ESRRG: variants seen among roughly 807,000 people sequenced by gnomAD.
ESRRG encodes estrogen-related receptor gamma.
A neutral mutation model predicts 44.0 loss-of-function variants in ESRRG; 13 were observed. That is an observed-to-expected ratio of 0.30 (90% CI 0.19 to 0.47). The LOEUF (loss-of-function observed/expected upper bound fraction) is 0.47. Ranked by LOEUF, ESRRG falls within the 20% of genes least tolerant of loss-of-function variation. ESRRG has a pLI of 1.00. For synonymous variants in ESRRG, 215 were observed against 214.6 expected (o/e 1.00, Z -0.02); for missense variants, 395 against 580.6 (o/e 0.68, Z 3.29).
intron 3 of ESRRG, among the ~76,000 whole-genome samples, chr1:216,641,322 A>C (rs1166716296): frequency 6.6e-6 from 1 of 152,224 alleles, no homozygotes; most frequent in Non-Finnish European, 1.5e-5. Flanking sequence ...ATAAATATAA[A>C]ATTGTTTTGG....
Position 216,912,181 on chromosome 1 carries a change from AAAAGGAGAGGAGAGGAGAGGAGAGG to A in ESRRG, c.-14+27376_-14+27400del, listed in dbSNP as rs1267497840. ...AAAAGAAAAGAAAAGAAAAGAAAAG[AAAAGGAGAGGAGAGGAGAGGAGAGG>A]AGAGGAGAGGAGAGGAGAGGAGAGG... On this transcript the variant is annotated intron_variant, in intron 2 of 7. Transcript: ENST00000359162. Among the ~76,000 whole-genome samples, 17 of 15,974 alleles carry A rather than the reference AAAAGGAGAGGAGAGGAGAGGAGAGG, an allele frequency of 1.1e-3. 2 individuals are homozygous for A. The highest frequency in any genetic ancestry group is 3.2e-3 in the African/African-American group (9 of 2,796). 10.5% of individuals were successfully genotyped at this position (15,974 alleles called of 152,430 possible). A position where few individuals can be genotyped will look rare whatever the true frequency, so the allele number is the denominator to read the frequency against.
intron 5 of ESRRG, among the ~76,000 whole-genome samples, chr1:216,538,829 TA>T (rs2051802804): frequency 6.6e-6 from 1 of 151,984 alleles, no homozygotes; most frequent in South Asian, 2.1e-4. Context: ...GTTTATTAAA[TA>T]AAGTCCATAA....
At chr1:216,512,092 A>T (rs1018948156) in intron 6 of ESRRG, among the ~76,000 whole-genome samples, 11 of 152,246 alleles carry the variant, frequency 7.2e-5, no homozygotes, top group Non-Finnish European at 1.5e-4. Context: ...GAAAAACAAC[A>T]AAATTACAAA....
intron 2 of ESRRG, among the ~76,000 whole-genome samples, chr1:216,824,516 T>A (rs2095358589): frequency 6.6e-6 from 1 of 151,848 alleles, no homozygotes; most frequent in South Asian, 2.1e-4. Flanking sequence ...AGACAGAGTG[T>A]GAACTACGGA....
At chr1:217,005,027 C>T (rs545175537) in intron 1 of ESRRG, among the ~76,000 whole-genome samples, 18 of 151,980 alleles carry the variant, frequency 1.2e-4, no homozygotes, top group African/African-American at 3.1e-4. Flanking sequence ...TATTTATTGC[C>T]GATCAGAATT....
chr1:216,744,690 T>C (rs1395582449), intron 2 of ESRRG, among the ~76,000 whole-genome samples: 3 of 152,202 alleles, frequency 2.0e-5, no homozygotes, highest in Non-Finnish European at 4.4e-5. Flanking sequence ...CAATACATGC[T>C]GTGTTACCTA....
chr1:216,676,079 C>T (rs1011661255), intron 2 of ESRRG, among the ~76,000 whole-genome samples: 1 of 152,138 alleles, frequency 6.6e-6, no homozygotes, highest in Non-Finnish European at 1.5e-5. Flanking sequence ...TGAGCAGAAC[C>T]ATTGGTGTGC....
chr1:216,909,172 A>G (rs1254006216), intron 2 of ESRRG, among the ~76,000 whole-genome samples: 1 of 152,220 alleles, frequency 6.6e-6, no homozygotes, highest in African/African-American at 2.4e-5. Context: ...AACTGACGGT[A>G]ATAATATTTC....
At chr1:216,752,279 A>T (rs1382427743) in intron 2 of ESRRG, among the ~76,000 whole-genome samples, 1 of 152,146 alleles carries the variant, frequency 6.6e-6, no homozygotes, top group Admixed American at 6.6e-5. Context: ...CTAGCTGTAT[A>T]AGAAATTTCA....
intron 2 of ESRRG, among the ~76,000 whole-genome samples, chr1:216,799,389 A>G (rs1291688419): frequency 6.6e-6 from 1 of 151,968 alleles, no homozygotes; most frequent in Non-Finnish European, 1.5e-5. Context: ...CCAAGACACC[A>G]CCCACACAAC....
chr1:216,908,922 T>C (rs943721433), intron 2 of ESRRG, among the ~76,000 whole-genome samples: 8 of 151,906 alleles, frequency 5.3e-5, no homozygotes, highest in Non-Finnish European at 1.0e-4. Context: ...TATTAAAACA[T>C]ATTTTATGGA....
chr1:216,689,082 T>C (rs1394838040), intron 1 of ESRRG, among the ~76,000 whole-genome samples: 1 of 152,170 alleles, frequency 6.6e-6, no homozygotes, highest in Admixed American at 6.6e-5. Flanking sequence ...TTCGCAATAA[T>C]GAGTCTGCAG....
At chr1:216,624,609 T>A (rs980155608) in intron 3 of ESRRG, among the ~76,000 whole-genome samples, 1 of 152,188 alleles carries the variant, frequency 6.6e-6, no homozygotes, top group Non-Finnish European at 1.5e-5. Context: ...AAACTGCCAT[T>A]CTTTCTCAGT....
At chr1:217,051,209 G>GCGGGGA (rs1429764005) in intron 1 of ESRRG, among the ~76,000 whole-genome samples, 1 of 126,746 alleles carries the variant, frequency 7.9e-6, no homozygotes, top group Non-Finnish European at 1.7e-5. Context: ...GGGGGCGGGG[G>GCGGGGA]GGGGGGGTGC....
At chr1:216,557,408 G>A (rs913239674) in intron 5 of ESRRG, among the ~76,000 whole-genome samples, 5 of 152,060 alleles carry the variant, frequency 3.3e-5, no homozygotes, top group Non-Finnish European at 7.4e-5. Context: ...ATATAAGGAA[G>A]CCACTGTTAA....
chr1:216,599,989 G>A (rs1198565827), intron 3 of ESRRG, among the ~76,000 whole-genome samples: 1 of 152,234 alleles, frequency 6.6e-6, no homozygotes. Flanking sequence ...ATGCCCCTCA[G>A]CAGAAGGGGG....
At chr1:216,933,920 T>C (rs953706015) in intron 2 of ESRRG, among the ~76,000 whole-genome samples, 2 of 152,158 alleles carry the variant, frequency 1.3e-5, no homozygotes, top group African/African-American at 2.4e-5. Flanking sequence ...CCCTGGCCTA[T>C]CAACCCTGCA....
chr1:217,016,522 A>T (rs1229493031), intron 1 of ESRRG, among the ~76,000 whole-genome samples: 2 of 152,052 alleles, frequency 1.3e-5, no homozygotes, highest in African/African-American at 4.8e-5. Flanking sequence ...TCTTTCCTTC[A>T]TTCTCCAACT....
intron 1 of ESRRG, chr1:216,681,790 TAA>T (rs1559193653): frequency 5.2e-5 from 2 of 38,212 alleles, no homozygotes; most frequent in African/African-American, 2.2e-4. Context: ...AAAGAAAGAA[TAA>T]GAATTAAAGT....
Sources: allele counts gnomAD v4.1 joint callset (sites outside exome capture counted in the v4.1 genomes callset), GRCh38; gene constraint gnomAD v4.1.1; transcripts MANE v1.5; gene names NCBI Gene and HGNC (gene_info 2026-07-23, HGNC 2026-07-21).